Variants in SREBF2 observed in about 807,000 individuals in gnomAD.
SREBF2 encodes sterol regulatory element-binding protein 2.
In SREBF2, 55 loss-of-function variants were observed where a neutral mutation model predicts 113.1. The ratio of observed to expected loss-of-function variants is 0.49; its 90% confidence interval spans 0.39 to 0.61. SREBF2 has a LOEUF of 0.61. Among genes scored for constraint, SREBF2 ranks in the 20% least tolerant of loss-of-function variants. The pLI is 0.00. For synonymous variants in SREBF2, 593 were observed against 605.7 expected, an observed-to-expected ratio of 0.98 and a Z score of 0.31; for missense variants, 1,349 against 1,487.4, an observed-to-expected ratio of 0.91 and a Z score of 1.53.
At chr22:41,847,116 T>G (rs1428212234) in intron 1 of SREBF2, among the ~76,000 whole-genome samples, 4 of 152,138 alleles carry the variant, frequency 2.6e-5, no homozygotes, top group Non-Finnish European at 5.9e-5. Context: ...TTTGGGGGCA[T>G]GGTAATGGAT....
chr22:41,891,026 G>A (rs541796398), intron 11 of SREBF2, among the ~76,000 whole-genome samples: 1 of 152,118 alleles, frequency 6.6e-6, no homozygotes, highest in Non-Finnish European at 1.5e-5. Flanking sequence ...GCTTCTACTT[G>A]TAACATTTGG....
intron 1 of SREBF2, among the ~76,000 whole-genome samples, chr22:41,843,945 G>A (rs1406731326): frequency 6.6e-6 from 1 of 150,964 alleles, no homozygotes; most frequent in Non-Finnish European, 1.5e-5. Context: ...GAGCCTAAGA[G>A]GCTGAAGATA....
At chr22:41,841,155 C>T (rs1165332310) in intron 1 of SREBF2, among the ~76,000 whole-genome samples, 1 of 152,124 alleles carries the variant, frequency 6.6e-6, no homozygotes, top group Non-Finnish European at 1.5e-5. Context: ...GTGGTCAGCA[C>T]ACCCCTAGGA....
intron 2 of SREBF2, among the ~76,000 whole-genome samples, chr22:41,867,548 T>C (rs1173300265): frequency 6.6e-6 from 1 of 152,138 alleles, no homozygotes; most frequent in Non-Finnish European, 1.5e-5. Context: ...GGCTCACGCC[T>C]GTAATCCCAG....
At chr22:41,890,817 A>C (rs1339771300) in intron 11 of SREBF2, among the ~76,000 whole-genome samples, 4 of 151,804 alleles carry the variant, frequency 2.6e-5, no homozygotes, top group Non-Finnish European at 5.9e-5. Flanking sequence ...CTGAGGCAGG[A>C]GAATTGCTAG....
At position 41,881,007 on chromosome 22, in the gene SREBF2, G is replaced by C; in HGVS notation, c.2038+15G>C. Reference sequence around the variant, plus strand: ...GCACATCACAGGTGAGGGGGCAGCTGCTGCTGCCTGGCTTGCTGCAAGGCA... The same window carrying C: ...GCACATCACAGGTGAGGGGGCAGCTCCTGCTGCCTGGCTTGCTGCAAGGCA... On this transcript the variant is annotated intron_variant, in intron 10 of 18. Coordinates refer to ENST00000361204, the MANE Select transcript of SREBF2 (RefSeq NM_004599.4). 1 of 1,602,454 alleles carries C rather than the reference G, an allele frequency of 6.2e-7. No individual in the cohort carries two copies. Among genetic ancestry groups the C allele is most frequent in the South Asian group, 1.1e-5 (1 of 90,866 alleles).
At chr22:41,888,407 G>A (rs2077320105) in intron 11 of SREBF2, among the ~76,000 whole-genome samples, 1 of 152,142 alleles carries the variant, frequency 6.6e-6, no homozygotes, top group Admixed American at 6.5e-5. Context: ...TTCCCCTGCT[G>A]CACCAAGTGG....
Position 41,905,609 on chromosome 22 carries a change from C to T in SREBF2, c.3375C>T (p.Cys1125=). ...KVGDRRSCND[C]QQMIVKLGGG... ...GCGACCGGCGCTCCTGCAACGACTG[C>T]CAGCAGATGATTGTTAAGCTGGGTG... Residue 1125 remains cysteine, a synonymous_variant, in exon 19 of 19, where the codon TGC becomes TGT. Coordinates refer to ENST00000361204, the MANE Select transcript of SREBF2 (RefSeq NM_004599.4). 6.2e-7 allele frequency: 1 copy of T among 1,600,086 alleles called. No homozygotes were observed. Among genetic ancestry groups the T allele is most frequent in the Non-Finnish European group, 8.5e-7 (1 of 1,174,308 alleles).
chr22:41,884,845 AGCTTCCT>A lies in SREBF2; in HGVS notation c.2045_2051del (p.Leu682GlnfsTer15), dbSNP rs1454845710. ...TGTCTGTTTCTGCCCACCCTAGGGA[AGCTTCCT>A]GCAGGATCCGCCTGTTCCGATGTAC... On this transcript the variant is annotated frameshift_variant, in exon 11 of 19. Transcript: ENST00000361204. LOFTEE classifies it high-confidence loss of function. 1 of 1,614,166 alleles carries A rather than the reference AGCTTCCT, an allele frequency of 6.2e-7. No homozygotes were observed. Among genetic ancestry groups the A allele is most frequent in the Admixed American group, 1.7e-5 (1 of 60,022 alleles).
At chr22:41,883,644 G>A (rs767951070) in intron 10 of SREBF2, among the ~76,000 whole-genome samples, 5 of 152,276 alleles carry the variant, frequency 3.3e-5, no homozygotes, top group Non-Finnish European at 7.4e-5. Context: ...CAGTATGGTT[G>A]CCACACTGCC....
chr22:41,896,954 C>A, intron 13 of SREBF2, 98 bp from the exon 14 acceptor site: 1 of 803,440 alleles, frequency 1.2e-6, no homozygotes, highest in Non-Finnish European at 2.1e-6. Context: ...ACAGAAATGG[C>A]CATTGGGTCT....
At chr22:41,901,029 C>G (rs1440672165) in intron 16 of SREBF2, 2 of 520,664 alleles carry the variant, frequency 3.8e-6, no homozygotes, top group Non-Finnish European at 7.9e-6. Context: ...GCCTGGCCCT[C>G]GAGAGACTGC....
At chr22:41,835,373 C>T (rs868025166) in intron 1 of SREBF2, among the ~76,000 whole-genome samples, 11 of 148,718 alleles carry the variant, frequency 7.4e-5, no homozygotes, top group Admixed American at 1.4e-4. Context: ...TGCAATGGCG[C>T]GATCTCGGCT....
At chr22:41,892,025 C>T (rs2077368384) in intron 11 of SREBF2, among the ~76,000 whole-genome samples, 1 of 152,154 alleles carries the variant, frequency 6.6e-6, no homozygotes, top group South Asian at 2.1e-4. Context: ...CACAAAGAGG[C>T]TTTCCAGGTT....
intron 3 of SREBF2, among the ~76,000 whole-genome samples, chr22:41,869,010 C>G (rs991167550): frequency 6.6e-6 from 1 of 152,200 alleles, no homozygotes; most frequent in African/African-American, 2.4e-5. Flanking sequence ...CAGTCACTTA[C>G]GTACACATGT....
At position 41,880,951 on chromosome 22, in the gene SREBF2, C is replaced by T. The variant is rs201588963; in HGVS notation, c.1997C>T (p.Ala666Val). The T allele has an allele frequency of 3.3e-5, 53 of 1,610,992 alleles. No individual in the cohort carries two copies. The highest frequency in any genetic ancestry group is 2.2e-4 in the Admixed American group (13 of 60,008). The change falls in exon 10 of 19, where the codon GCG (alanine) becomes GTG (valine). Residue 666 changes from alanine (A) to valine (V), a missense_variant. Transcript: ENST00000361204. ...GAAGCTAAGACCAGCGCCCGGGATG[C>T]GGCTCTGGCCTATCACCGGCTGCAC... Reference protein sequence around the residue: ...EDEAKTSARDAALAYHRLHQL... With the variant: ...EDEAKTSARDVALAYHRLHQL...
Position 41,906,993 on chromosome 22 carries a change from G to C in SREBF2, c.*1333G>C, listed in dbSNP as rs1705786237. 6.6e-6 allele frequency: 1 copy of C among 152,250 alleles called. No homozygotes were observed. Among genetic ancestry groups the C allele is most frequent in the Admixed American group, 6.5e-5 (1 of 15,290 alleles). The allele number at this position is 152,250 out of a possible 1,614,324, so 9.4% of individuals were successfully genotyped here. A position where few individuals can be genotyped will look rare whatever the true frequency, so the allele number is the denominator to read the frequency against. On this transcript the variant is annotated 3_prime_UTR_variant, in exon 19 of 19. Transcript: ENST00000361204. ...GGCTGGTTGGAGCAGAGGGTGGGCA[G>C]GAGCCCCAGCACAGACTGGGGGGTG...
Position 41,867,145 on chromosome 22 carries a change from C to A in SREBF2, c.403C>A (p.Pro135Thr), listed in dbSNP as rs2077088889. ...GGCAACTCCTATTCTTCAGCCCCGC[C>A]CCCAGCCCCAGCCTCAACCTCAAAC... ...PRATPILQPR[P>T]QPQPQPQTQL... The change falls in exon 2 of 19, where the codon CCC becomes ACC. Residue 135 changes from proline (P) to threonine (T), a missense_variant. Physicochemically the swap from Pro to Thr is conservative, Grantham distance 38. This residue lies in a region of SREBF2 where 699 missense variants were observed against 843.3 expected (regional missense o/e 0.83). Transcript: ENST00000361204. 9.9e-6 allele frequency: 16 copies of A among 1,614,070 alleles called. No homozygotes were observed. Among genetic ancestry groups the A allele is most frequent in the Non-Finnish European group, 1.4e-5 (16 of 1,180,048 alleles).
intron 1 of SREBF2, among the ~76,000 whole-genome samples, chr22:41,843,361 A>T (rs1270877931): frequency 6.6e-6 from 1 of 152,262 alleles, no homozygotes; most frequent in Non-Finnish European, 1.5e-5. Flanking sequence ...ACTGGGCTCC[A>T]GGTTCAGTGC....
Sources: allele counts gnomAD v4.1 joint callset (sites outside exome capture counted in the v4.1 genomes callset), GRCh38; gene constraint gnomAD v4.1.1; regional missense constraint gnomAD v4.1.1; transcripts MANE v1.5; gene names NCBI Gene and HGNC (gene_info 2026-07-23, HGNC 2026-07-21).